GUCY1A2: variants seen among roughly 807,000 people sequenced by gnomAD.
GUCY1A2 encodes the protein guanylate cyclase 1 soluble subunit alpha 2.
In GUCY1A2, 27 loss-of-function variants were observed where a neutral mutation model predicts 63.5. The observed-to-expected ratio is 0.43, with a 90% confidence interval of 0.31 to 0.59. The LOEUF is 0.59. Among genes scored for constraint, GUCY1A2 ranks in the 20% least tolerant of loss-of-function variants. The probability of loss-of-function intolerance (pLI) is 0.11; values close to 1 mark genes in which losing one functional copy is unlikely to be tolerated. For synonymous variants in GUCY1A2, 364 were observed against 343.5 expected, an observed-to-expected ratio of 1.06 and a Z score of -0.66; for missense variants, 768 against 913.3, an observed-to-expected ratio of 0.84 and a Z score of 2.05.
intron 4 of GUCY1A2, among the ~76,000 whole-genome samples, chr11:106,935,362 G>A (rs1425130175): frequency 6.6e-6 from 1 of 152,156 alleles, no homozygotes; most frequent in Non-Finnish European, 1.5e-5. Flanking sequence ...AAGATGCTAA[G>A]AATTTTACAT....
At chr11:106,997,315 A>G (rs1046233070) in intron 1 of GUCY1A2, among the ~76,000 whole-genome samples, 1 of 152,140 alleles carries the variant, frequency 6.6e-6, no homozygotes, top group Non-Finnish European at 1.5e-5. Context: ...CCCGCACTCT[A>G]TAGCATAAAC....
intron 6 of GUCY1A2, among the ~76,000 whole-genome samples, chr11:106,749,025 A>G (rs535802863): frequency 6.6e-5 from 10 of 152,224 alleles, no homozygotes; most frequent in African/African-American, 2.4e-4. Flanking sequence ...CAATCCCTTA[A>G]GATTATAATA....
chr11:106,894,714 C>T (rs1860022025), intron 4 of GUCY1A2, among the ~76,000 whole-genome samples: 1 of 151,902 alleles, frequency 6.6e-6, no homozygotes, highest in African/African-American at 2.4e-5. Context: ...ATATTTTTGA[C>T]TAAATAAAAA....
chr11:106,789,964 C>T (rs1324965637), intron 5 of GUCY1A2, among the ~76,000 whole-genome samples: 3 of 152,266 alleles, frequency 2.0e-5, no homozygotes, highest in East Asian at 3.9e-4. Context: ...AAAGCCAGTA[C>T]AACACTGGGT....
chr11:106,686,830 A>G lies in GUCY1A2; in HGVS notation c.*719T>C, dbSNP rs1862534236. 5.1e-6 allele frequency: 1 copy of G among 196,660 alleles called. No individual in the cohort carries two copies. Among genetic ancestry groups the G allele is most frequent in the Non-Finnish European group, 1.1e-5 (1 of 94,848 alleles). The allele number at this position is 196,660 out of a possible 1,614,324, so 12.2% of individuals were successfully genotyped here. ...GATATATTTACTAAGCAGACATATAATGCTTTCTTGGTATCTGAAATCCTT... is the reference window on the plus strand; with the variant it reads ...GATATATTTACTAAGCAGACATATAGTGCTTTCTTGGTATCTGAAATCCTT... On this transcript the variant is annotated 3_prime_UTR_variant, in exon 8 of 8. Coordinates refer to ENST00000526355, the MANE Select transcript of GUCY1A2 (RefSeq NM_000855.3).
Position 106,687,361 on chromosome 11 carries a change from T to A in GUCY1A2, c.*188A>T, listed in dbSNP as rs1862544054. 3.4e-6 allele frequency: 2 copies of A among 592,756 alleles called. No individual in the cohort carries two copies. The highest frequency in any genetic ancestry group is 4.1e-5 in the South Asian group (2 of 48,762). The allele number at this position is 592,756 out of a possible 1,614,324, so 36.7% of individuals were successfully genotyped here. ...GAATGGACACATCTTATTTCCCTCATCCTCCGGCTTTTTATTGACAGCGGT... is the reference window on the plus strand; with the variant it reads ...GAATGGACACATCTTATTTCCCTCAACCTCCGGCTTTTTATTGACAGCGGT... On this transcript the variant is annotated 3_prime_UTR_variant, in exon 8 of 8. Transcript: ENST00000526355.
Position 106,732,819 on chromosome 11 carries a change from G to A in GUCY1A2, c.1837-24153C>T, listed in dbSNP as rs537653144. ...TGGATGCAGAAGTCATTTCTTAATG[G>A]AAGCTGAATGATAACATCAATTTAA... On this transcript the variant is annotated intron_variant, in intron 6 of 7. Coordinates refer to ENST00000526355, the MANE Select transcript of GUCY1A2 (RefSeq NM_000855.3). 2.4e-4 allele frequency among the ~76,000 whole-genome samples: 37 copies of A among 152,254 alleles called. 3 individuals carry two copies. In the South Asian group the frequency reaches 7.5e-3, roughly 31 times the overall value.
intron 6 of GUCY1A2, among the ~76,000 whole-genome samples, chr11:106,761,196 A>C (rs975791170): frequency 6.6e-6 from 1 of 152,236 alleles, no homozygotes; most frequent in African/African-American, 2.4e-5. Flanking sequence ...TAGATAACTT[A>C]AGTATAATCA....
rs143258026 is a variant in GUCY1A2 at position 106,754,964 on chromosome 11, C to T, written c.1836+21475G>A. On this transcript the variant is annotated intron_variant, in intron 6 of 7. Transcript: ENST00000526355. ...CCTCTTTGTCCTCTGGTAAATTTGG[C>T]TGTGAATCTGTCTGGTCCTGGACTT... 6.5e-3 allele frequency among the ~76,000 whole-genome samples: 997 copies of T among 152,230 alleles called. 12 individuals are homozygous for T. Among genetic ancestry groups the T allele is most frequent in the African/African-American group, 0.022 (905 of 41,556 alleles).
intron 4 of GUCY1A2, among the ~76,000 whole-genome samples, chr11:106,860,951 C>G (rs938821396): frequency 1.3e-5 from 2 of 151,962 alleles, no homozygotes; most frequent in African/African-American, 4.8e-5. Context: ...AAGCTCTACT[C>G]TTCCTGTTAT....
intron 4 of GUCY1A2, among the ~76,000 whole-genome samples, chr11:106,914,332 A>G (rs1436425642): frequency 6.6e-6 from 1 of 152,108 alleles, no homozygotes; most frequent in Non-Finnish European, 1.5e-5. Context: ...TTAATGTGAA[A>G]GTGACCCTAC....
chr11:106,902,307 G>T (rs752527472), intron 4 of GUCY1A2, among the ~76,000 whole-genome samples: 2 of 152,144 alleles, frequency 1.3e-5, no homozygotes, highest in African/African-American at 2.4e-5. Flanking sequence ...AGGCTTTGTT[G>T]TTCTATTTAT....
chr11:106,821,367 T>C (rs1266546233), intron 4 of GUCY1A2, among the ~76,000 whole-genome samples: 1 of 152,212 alleles, frequency 6.6e-6, no homozygotes, highest in African/African-American at 2.4e-5. Flanking sequence ...AAAATGATTT[T>C]ATTTTTCAGC....
chr11:106,730,059 A>AATATAT (rs60486225), intron 6 of GUCY1A2, among the ~76,000 whole-genome samples: 2,809 of 103,034 alleles, frequency 0.027, 50 homozygotes, highest in African/African-American at 0.034. Context: ...ATCAGCATGG[A>AATATAT]ATATATATAT....
intron 4 of GUCY1A2, chr11:106,827,418 T>A: frequency 6.7e-7 from 1 of 1,482,488 alleles, no homozygotes; most frequent in East Asian, 2.3e-5. Flanking sequence ...CTAACTCAAG[T>A]GCGATACCAC....
intron 4 of GUCY1A2, among the ~76,000 whole-genome samples, chr11:106,873,813 T>C (rs1591310042): frequency 6.6e-6 from 1 of 152,212 alleles, no homozygotes; most frequent in African/African-American, 2.4e-5. Context: ...TTGCAATTGC[T>C]ACAAAAGCTT....
At chr11:106,831,398 G>A (rs536477945) in intron 4 of GUCY1A2, among the ~76,000 whole-genome samples, 29 of 152,238 alleles carry the variant, frequency 1.9e-4, no homozygotes, top group Middle Eastern at 3.4e-3. Flanking sequence ...GTGGGTTATT[G>A]GGATATGGCA....
At chr11:106,763,065 C>T (rs1334164061) in intron 6 of GUCY1A2, among the ~76,000 whole-genome samples, 10 of 151,884 alleles carry the variant, frequency 6.6e-5, no homozygotes, top group Middle Eastern at 3.4e-3. Context: ...AAAAATGGTC[C>T]GTGATGGCAA....
chr11:106,716,856 C>T (rs537342082), intron 6 of GUCY1A2, among the ~76,000 whole-genome samples: 22 of 151,236 alleles, frequency 1.5e-4, no homozygotes, highest in African/African-American at 5.3e-4. Flanking sequence ...TTTCCCCCAG[C>T]TAGTGCAGGA....
Sources: gnomAD v4.1 joint callset for allele counts (sites outside exome capture counted in the v4.1 genomes callset) on GRCh38, gnomAD v4.1.1 for gene constraint, MANE v1.5 for transcripts, NCBI Gene and HGNC (gene_info 2026-07-23, HGNC 2026-07-21) for gene names.